PTPRG: variants seen among roughly 807,000 people sequenced by gnomAD.
PTPRG encodes the protein protein tyrosine phosphatase receptor type G.
In PTPRG, 102 loss-of-function variants were observed where a neutral mutation model predicts 165.3. That is an observed-to-expected ratio of 0.62 (90% CI 0.53 to 0.73). The LOEUF is 0.73. Ranked by LOEUF, PTPRG falls within the 30% of genes least tolerant of loss-of-function variation. The pLI is 0.00. For missense variants in PTPRG, 1,866 were observed against 1,861.4 expected (o/e 1.00, Z -0.05); for synonymous variants, 675 against 669.5 (o/e 1.01, Z -0.13).
intron 4 of PTPRG, among the ~76,000 whole-genome samples, chr3:62,051,213 T>C (rs1217214549): frequency 2.6e-5 from 4 of 152,202 alleles, no homozygotes; most frequent in South Asian, 2.1e-4. Context: ...GAGCAAAATA[T>C]AGAAAGTAAT....
intron 7 of PTPRG, among the ~76,000 whole-genome samples, chr3:62,158,051 G>T (rs940489615): frequency 6.6e-6 from 1 of 152,156 alleles, no homozygotes; most frequent in African/African-American, 2.4e-5. Flanking sequence ...CCACTATATT[G>T]TACTGCTTCC....
At chr3:62,123,397 C>T (rs1381395324) in intron 5 of PTPRG, among the ~76,000 whole-genome samples, 3 of 152,134 alleles carry the variant, frequency 2.0e-5, no homozygotes, top group Non-Finnish European at 4.4e-5. Flanking sequence ...AGATGTGCAC[C>T]ACCAAACACT....
intron 2 of PTPRG, among the ~76,000 whole-genome samples, chr3:61,978,101 C>G (rs1478349250): frequency 6.6e-6 from 1 of 152,204 alleles, no homozygotes; most frequent in Admixed American, 6.5e-5. Context: ...ATCTGCCCGC[C>G]TCAGCCTCCC....
At chr3:62,167,670 C>G (rs1327667847) in intron 7 of PTPRG, among the ~76,000 whole-genome samples, 1 of 152,174 alleles carries the variant, frequency 6.6e-6, no homozygotes, top group African/African-American at 2.4e-5. Flanking sequence ...CAGCAGGGCA[C>G]TGCAGAAAGA....
intron 2 of PTPRG, among the ~76,000 whole-genome samples, chr3:61,942,156 T>TAA (rs72243584): frequency 9.3e-5 from 12 of 128,628 alleles, no homozygotes; most frequent in African/African-American, 2.9e-4. Context: ...AGACTCTGTC[T>TAA]AAAAAAAAAA....
chr3:61,677,350 T>C (rs952373838), intron 1 of PTPRG, among the ~76,000 whole-genome samples: 25 of 152,196 alleles, frequency 1.6e-4, no homozygotes, highest in Admixed American at 1.6e-3. Context: ...TGAATCTTTA[T>C]GAAGGCCATC....
chr3:61,672,684 G>A (rs546794665), intron 1 of PTPRG, among the ~76,000 whole-genome samples: 38 of 143,234 alleles, frequency 2.7e-4, no homozygotes, highest in African/African-American at 9.1e-4. Flanking sequence ...GTCCAGCTTC[G>A]GCTCGGCATC....
intron 2 of PTPRG, among the ~76,000 whole-genome samples, chr3:61,755,130 C>T (rs1249847216): frequency 6.6e-6 from 1 of 152,174 alleles, no homozygotes; most frequent in African/African-American, 2.4e-5. Flanking sequence ...GCCTGCACCT[C>T]CTGAGTGTCT....
At chr3:61,675,983 G>A (rs572274200) in intron 1 of PTPRG, among the ~76,000 whole-genome samples, 85 of 152,146 alleles carry the variant, frequency 5.6e-4, no homozygotes, top group Admixed American at 3.1e-3. Flanking sequence ...CAGTTTTTTC[G>A]ACCATTCTTG....
chr3:61,565,632 G>C (rs1316705977), intron 1 of PTPRG, among the ~76,000 whole-genome samples: 8 of 149,500 alleles, frequency 5.4e-5, no homozygotes, highest in Non-Finnish European at 1.0e-4. Flanking sequence ...ATTGATTTTT[G>C]TCTTTCGGCC....
chr3:61,939,263 A>G (rs2107601873), intron 2 of PTPRG, among the ~76,000 whole-genome samples: 1 of 152,350 alleles, frequency 6.6e-6, no homozygotes, highest in South Asian at 2.1e-4. Context: ...TGCAAAGCTC[A>G]GTGGAATAAT....
At chr3:61,868,561 T>C (rs1406456280) in intron 2 of PTPRG, among the ~76,000 whole-genome samples, 1 of 152,222 alleles carries the variant, frequency 6.6e-6, no homozygotes, top group Non-Finnish European at 1.5e-5. Context: ...TCTCTTTTCT[T>C]CCTCCTTTTA....
intron 1 of PTPRG, among the ~76,000 whole-genome samples, chr3:61,735,000 G>A (rs1277632571): frequency 6.6e-6 from 1 of 152,212 alleles, no homozygotes; most frequent in South Asian, 2.1e-4. Context: ...TTTTGAAAAA[G>A]CATAGCCAAA....
At chr3:61,763,776 C>G (rs1294021489) in intron 2 of PTPRG, among the ~76,000 whole-genome samples, 1 of 152,128 alleles carries the variant, frequency 6.6e-6, no homozygotes, top group Non-Finnish European at 1.5e-5. Context: ...TTTCAAAAGC[C>G]TGACATCACT....
intron 16 of PTPRG, among the ~76,000 whole-genome samples, chr3:62,257,076 G>A (rs940833356): frequency 7.2e-5 from 11 of 152,122 alleles, no homozygotes; most frequent in African/African-American, 2.7e-4. Flanking sequence ...AGGTTTGAAA[G>A]GTTTAAAATC....
chr3:61,931,850 C>CA (rs1380909897), intron 2 of PTPRG, among the ~76,000 whole-genome samples: 13 of 152,194 alleles, frequency 8.5e-5, no homozygotes, highest in Admixed American at 3.3e-4. Context: ...GACAAACTCT[C>CA]ATGTTTAATA....
At chr3:61,865,566 C>T (rs2037382606) in intron 2 of PTPRG, among the ~76,000 whole-genome samples, 1 of 152,168 alleles carries the variant, frequency 6.6e-6, no homozygotes, top group South Asian at 2.1e-4. Flanking sequence ...AAGGGTACTA[C>T]CTTCATATGG....
At chr3:62,114,152 A>T (rs544318506) in intron 5 of PTPRG, among the ~76,000 whole-genome samples, 3 of 152,170 alleles carry the variant, frequency 2.0e-5, no homozygotes, top group East Asian at 1.9e-4. Flanking sequence ...TACGAAACTT[A>T]CCTGGACATG....
At chr3:61,886,469 A>C (rs1181770441) in intron 2 of PTPRG, among the ~76,000 whole-genome samples, 2 of 152,192 alleles carry the variant, frequency 1.3e-5, no homozygotes, top group Admixed American at 1.3e-4. Context: ...TGCACTGATC[A>C]GTGACTAGGA....
Sources: allele counts gnomAD v4.1 joint callset (sites outside exome capture counted in the v4.1 genomes callset), GRCh38; gene constraint gnomAD v4.1.1; transcripts MANE v1.5; gene names NCBI Gene and HGNC (gene_info 2026-07-23, HGNC 2026-07-21).